The following KCNMA1 variants were observed in gnomAD, a reference collection of about 807,000 sequenced individuals.
The protein encoded by KCNMA1 is Calcium-activated potassium channel subunit alpha-1.
A neutral mutation model predicts 140.0 loss-of-function variants in KCNMA1; 29 were observed. The ratio of observed to expected loss-of-function variants is 0.21; its 90% CI spans 0.15 to 0.28. The LOEUF (loss-of-function observed/expected upper bound fraction) is 0.28. Among genes scored for constraint, KCNMA1 ranks in the 10% least tolerant of loss-of-function variants. KCNMA1 has a pLI of 1.00. For synonymous variants in KCNMA1, 612 were observed against 611.9 expected (o/e 1.00, Z 0.00); for missense variants, 880 against 1,602.2 (o/e 0.55, Z 7.70).
chr10:76,942,035 C>T (rs954618033), intron 23 of KCNMA1, among the ~76,000 whole-genome samples: 1 of 152,070 alleles, frequency 6.6e-6, no homozygotes, highest in Non-Finnish European at 1.5e-5. Flanking sequence ...GCAATGGTGC[C>T]ATCTCGGCTC....
chr10:77,616,570 C>T (rs574978291), intron 1 of KCNMA1, among the ~76,000 whole-genome samples: 1 of 152,312 alleles, frequency 6.6e-6, no homozygotes, highest in East Asian at 1.9e-4. Flanking sequence ...CTTTGGGAGG[C>T]TGAGGCGGGT....
chr10:77,493,391 T>A lies in KCNMA1; in HGVS notation c.379-89368A>T, dbSNP rs577709446. ...CCCCCAGGGACCCAAAACCCAAAGG[T>A]CAGGAATGTAGTACTGGCCAGCCAG... On this transcript the variant is annotated intron_variant, in intron 1 of 27. Coordinates refer to ENST00000286628, the MANE Select transcript of KCNMA1 (RefSeq NM_001161352.2). Among the ~76,000 whole-genome samples the A allele has an allele frequency of 7.9e-5, 12 of 152,234 alleles. No individual in the cohort carries two copies. In the South Asian group the frequency reaches 1.0e-3, roughly 13 times the overall value.
At chr10:76,887,970 C>T (rs41281554) in intron 27 of KCNMA1, 16 of 174,338 alleles carry the variant, frequency 9.2e-5, no homozygotes, top group African/African-American at 3.6e-4. Flanking sequence ...CTTTTAAAAT[C>T]TACTTTGGTG....
At chr10:77,080,566 C>T (rs2096539781) in intron 12 of KCNMA1, among the ~76,000 whole-genome samples, 1 of 152,182 alleles carries the variant, frequency 6.6e-6, no homozygotes, top group East Asian at 1.9e-4. Flanking sequence ...AAAACAAAAT[C>T]ACAAAACAGC....
At chr10:77,081,561 G>T (rs539044917) in intron 12 of KCNMA1, among the ~76,000 whole-genome samples, 3 of 152,188 alleles carry the variant, frequency 2.0e-5, no homozygotes, top group Non-Finnish European at 4.4e-5. Flanking sequence ...CAGAAATGGA[G>T]AGAAGGCAGC....
At chr10:77,453,364 TATAAATAAATAA>T (rs143343288) in intron 1 of KCNMA1, among the ~76,000 whole-genome samples, 2 of 145,012 alleles carry the variant, frequency 1.4e-5, no homozygotes, top group Admixed American at 6.8e-5. Context: ...AATAAATAAA[TATAAATAAATAA>T]ATAAATAAAT....
At chr10:77,591,575 C>A (rs1323077160) in intron 1 of KCNMA1, among the ~76,000 whole-genome samples, 1 of 152,184 alleles carries the variant, frequency 6.6e-6, no homozygotes, top group African/African-American at 2.4e-5. Context: ...TGGGACCCAG[C>A]AATTGGTGTT....
At chr10:77,422,274 A>G (rs1165742892) in intron 1 of KCNMA1, among the ~76,000 whole-genome samples, 1 of 152,176 alleles carries the variant, frequency 6.6e-6, no homozygotes, top group Admixed American at 6.5e-5. Context: ...AAAATAAGAA[A>G]CTACCCCAGC....
intron 1 of KCNMA1, among the ~76,000 whole-genome samples, chr10:77,462,973 A>G (rs900364203): frequency 3.3e-5 from 5 of 152,164 alleles, no homozygotes; most frequent in African/African-American, 1.2e-4. Flanking sequence ...GATGAAACTC[A>G]AACCAAGTCT....
intron 6 of KCNMA1, among the ~76,000 whole-genome samples, chr10:77,119,250 T>G (rs1433828523): frequency 6.6e-6 from 1 of 152,178 alleles, no homozygotes; most frequent in African/African-American, 2.4e-5. Flanking sequence ...AAAAAGATAT[T>G]CAGATGGTCC....
intron 1 of KCNMA1, among the ~76,000 whole-genome samples, chr10:77,464,032 G>C (rs1019339098): frequency 6.6e-6 from 1 of 152,096 alleles, no homozygotes; most frequent in Admixed American, 6.6e-5. Flanking sequence ...TAGACCTCCC[G>C]AATATACATT....
At chr10:77,079,819 C>T (rs2096518299) in intron 12 of KCNMA1, 1 of 519,762 alleles carries the variant, frequency 1.9e-6, no homozygotes, top group African/African-American at 1.9e-5. Flanking sequence ...TCCCTATAAC[C>T]TCTAGGCCCT....
At chr10:77,047,688 A>G (rs987105599) in intron 14 of KCNMA1, among the ~76,000 whole-genome samples, 2 of 151,892 alleles carry the variant, frequency 1.3e-5, no homozygotes, top group Admixed American at 6.6e-5. Context: ...CCTTTTTTAA[A>G]GATTGGCCTA....
At chr10:77,040,322 A>G (rs1594508360) in intron 14 of KCNMA1, among the ~76,000 whole-genome samples, 1 of 152,194 alleles carries the variant, frequency 6.6e-6, no homozygotes, top group East Asian at 1.9e-4. Flanking sequence ...TTACACTACA[A>G]TTCCATTTGA....
At chr10:77,257,788 C>A (rs1310531670) in intron 2 of KCNMA1, among the ~76,000 whole-genome samples, 1 of 152,180 alleles carries the variant, frequency 6.6e-6, no homozygotes, top group Non-Finnish European at 1.5e-5. Context: ...AGTTTCCCTG[C>A]ACAAGCTCTC....
chr10:77,371,624 G>T (rs1349428250), intron 2 of KCNMA1, among the ~76,000 whole-genome samples: 2 of 152,150 alleles, frequency 1.3e-5, no homozygotes, highest in Non-Finnish European at 2.9e-5. Flanking sequence ...AAAGACTCTT[G>T]CTCCACTGGT....
chr10:77,526,649 G>A (rs1159841773), intron 1 of KCNMA1, among the ~76,000 whole-genome samples: 1 of 152,206 alleles, frequency 6.6e-6, no homozygotes, highest in East Asian at 1.9e-4. Context: ...TCAAAGAGCA[G>A]CAGAAGAGTC....
chr10:76,991,449 TG>T (rs1768429344), intron 19 of KCNMA1, among the ~76,000 whole-genome samples: 1 of 152,190 alleles, frequency 6.6e-6, no homozygotes, highest in African/African-American at 2.4e-5. Flanking sequence ...GTCATGTCCT[TG>T]TTCTTTCTTA....
chr10:77,243,194 T>TCCACAAACCACACA (rs2057723715), intron 3 of KCNMA1, among the ~76,000 whole-genome samples: 1 of 151,300 alleles, frequency 6.6e-6, no homozygotes, highest in South Asian at 2.1e-4. Context: ...CTGCCACCAC[T>TCCACAAACCACACA]CCACACACCA....
Sources: allele counts gnomAD v4.1 joint callset (sites outside exome capture counted in the v4.1 genomes callset), GRCh38; gene constraint gnomAD v4.1.1; transcripts MANE v1.5; gene names NCBI Gene and HGNC (gene_info 2026-07-23, HGNC 2026-07-21).